The following CEP250 variants were observed in gnomAD, a reference collection of about 807,000 sequenced individuals.
The protein encoded by CEP250 is centrosome-associated protein CEP250.
CEP250 carries 242 observed loss-of-function variants against 315.7 expected under a neutral mutation model. The observed-to-expected ratio is 0.77, with a 90% CI of 0.69 to 0.85. The LOEUF (loss-of-function observed/expected upper bound fraction) is 0.85, where lower values mean the gene tolerates loss of function less well. Among genes scored for constraint, CEP250 ranks in the 40% least tolerant of loss-of-function variants. The pLI is 0.00. For synonymous variants in CEP250, 1,088 were observed against 1,175.0 expected, an observed-to-expected ratio of 0.93 and a Z score of 1.51; for missense variants, 2,515 against 2,886.4, an observed-to-expected ratio of 0.87 and a Z score of 2.95.
At chr20:35,462,774 A>G (rs1045394092) in intron 4 of CEP250, among the ~76,000 whole-genome samples, 2 of 152,010 alleles carry the variant, frequency 1.3e-5, no homozygotes, top group African/African-American at 4.8e-5. Context: ...ATTTAATTTT[A>G]TTTTTGAGAT....
At chr20:35,471,471 A>G (rs879863557) in intron 10 of CEP250, among the ~76,000 whole-genome samples, 9 of 152,228 alleles carry the variant, frequency 5.9e-5, no homozygotes, top group Non-Finnish European at 1.3e-4. Context: ...CAAATTTTGT[A>G]TAAGCCAAAT....
At chr20:35,486,160 G>T (rs192770714) in intron 20 of CEP250, among the ~76,000 whole-genome samples, 1 of 151,164 alleles carries the variant, frequency 6.6e-6, no homozygotes. Context: ...GATTACAGGC[G>T]CATGCTACCA....
In CEP250 at chr20:35,491,277, G is replaced by A. The variant is rs2063683459; in HGVS notation, c.2820G>A (p.Glu940=). The A allele has an allele frequency of 6.2e-7, 1 of 1,606,748 alleles. No individual in the cohort carries two copies. The highest frequency in any genetic ancestry group is 1.7e-5 in the Admixed American group (1 of 59,058). The part of the protein sequence containing the change: ...LLETLLQTQK[E]LADASQQLER... Reference sequence around the variant, plus strand: ...AGACACTGCTGCAGACGCAGAAGGAGCTAGCAGATGCCAGCCAACAACTGG... The same window carrying A: ...AGACACTGCTGCAGACGCAGAAGGAACTAGCAGATGCCAGCCAACAACTGG... Residue 940 remains glutamate, a synonymous_variant, in exon 22 of 35, where the codon GAG becomes GAA. Coordinates refer to ENST00000397527, the MANE Select transcript of CEP250 (RefSeq NM_007186.6).
rs1320572231 is a variant in CEP250, at chr20:35,507,773, G to A, written c.6672G>A (p.Lys2224=). The A allele has an allele frequency of 6.4e-7, 1 of 1,559,620 alleles. No homozygotes were observed. Among genetic ancestry groups the A allele is most frequent in the South Asian group, 1.2e-5 (1 of 85,304 alleles). ...ELELTRRALE[K]ERLHSPGATS... is the part of the protein sequence containing the mutation. The stretch of plus-strand genomic sequence containing the variant: ...AGCTCACCAGACGGGCTCTGGAGAA[G>A]GAGCGGCTACACAGCCCAGGTGCAA... The change falls in exon 31 of 35, where the codon AAG becomes AAA. Residue 2224 remains lysine, a synonymous_variant. Coordinates refer to ENST00000397527, the MANE Select transcript of CEP250 (RefSeq NM_007186.6).
At chr20:35,480,389 GT>G (rs2146893582) in intron 20 of CEP250, among the ~76,000 whole-genome samples, 1 of 152,230 alleles carries the variant, frequency 6.6e-6, no homozygotes, top group East Asian at 1.9e-4. Context: ...AGAATTGAGA[GT>G]GGACCCTGGG....
chr20:35,493,312 G>A (rs1253488402), intron 22 of CEP250, 117 bp from the exon 23 acceptor site: 8 of 940,048 alleles, frequency 8.5e-6, no homozygotes, highest in Non-Finnish European at 1.2e-5. Flanking sequence ...GTGAGAAGGT[G>A]AGGTGGAAAC....
chr20:35,508,850 C>G, intron 32 of CEP250, 93 bp from the exon 33 acceptor site: 1 of 991,538 alleles, frequency 1.0e-6, no homozygotes, highest in South Asian at 1.5e-5. Context: ...CCCTCATATA[C>G]CTGCACAGGC....
In CEP250 at chr20:35,518,131, G is replaced by GTTTT. The variant is rs1437272904; in HGVS notation, c.*6506_*6509dup. On this transcript the variant is annotated 3_prime_UTR_variant, in exon 35 of 35. Transcript: ENST00000397527. ...TCAAACTCCTCTTCAGAGGCAGCGG[G>GTTTT]TTTTGTTTTTTTTTTAACTATGTTT... The GTTTT allele has an allele frequency of 7.1e-4, 59 of 83,580 alleles. No homozygotes were observed. The highest frequency in any genetic ancestry group is 1.8e-3 in the African/African-American group (57 of 32,200). The allele number at this position is 83,580 out of a possible 1,614,324, so 5.2% of individuals were successfully genotyped here.
chr20:35,479,744 C>CT lies in CEP250; in HGVS notation c.2388dup (p.Val797CysfsTer22), dbSNP rs1398367764. The CT allele has an allele frequency of 1.2e-6, 2 of 1,614,204 alleles. No homozygotes were observed. Among genetic ancestry groups the CT allele is most frequent in the Admixed American group, 3.3e-5 (2 of 60,020 alleles). ...GGGCAGCTGGAGGTCCAGATTCAAA[C>CT]TGTCACTCAAGCCAAGGAAGTAATC... On this transcript the variant is annotated frameshift_variant, in exon 19 of 35. Coordinates refer to ENST00000397527, the MANE Select transcript of CEP250 (RefSeq NM_007186.6). LOFTEE classifies it high-confidence loss of function.
chr20:35,482,280 G>A (rs2063370744), intron 20 of CEP250, among the ~76,000 whole-genome samples: 1 of 152,012 alleles, frequency 6.6e-6, no homozygotes, highest in African/African-American at 2.4e-5. Flanking sequence ...TGCCCAGGCT[G>A]GAGTGCAGTG....
rs2062864788 is a variant in CEP250, at chr20:35,465,819, A to G, written c.320A>G (p.Gln107Arg). 6.2e-7 allele frequency: 1 copy of G among 1,606,846 alleles called. No individual in the cohort carries two copies. Among genetic ancestry groups the G allele is most frequent in the African/African-American group, 1.3e-5 (1 of 74,914 alleles). ...DELLVRLEEE[Q>R]QRCESLAEVN... Reference sequence around the variant, plus strand: ...CTGCTGGTCCGATTGGAGGAGGAGCAACAGAGGTGATGGACCCCAAACTTT... The same window carrying G: ...CTGCTGGTCCGATTGGAGGAGGAGCGACAGAGGTGATGGACCCCAAACTTT... Residue 107 changes from glutamine to arginine, a missense_variant, in exon 6 of 35, where the codon CAA becomes CGA. Gln to Arg is a conservative substitution (Grantham distance 43, BLOSUM62 1). Coordinates refer to ENST00000397527, the MANE Select transcript of CEP250 (RefSeq NM_007186.6).
At chr20:35,496,018 C>T (rs1326989531) in intron 24 of CEP250, among the ~76,000 whole-genome samples, 3 of 151,936 alleles carry the variant, frequency 2.0e-5, no homozygotes, top group East Asian at 1.9e-4. Context: ...CAAGGTTCTA[C>T]GTTAGGACAC....
intron 30 of CEP250, 66 bp downstream of exon 30, chr20:35,505,071 C>A: frequency 7.2e-7 from 1 of 1,388,274 alleles, no homozygotes; most frequent in Non-Finnish European, 9.7e-7. Flanking sequence ...TCAGGGACTG[C>A]CCACCACCCT....
intron 1 of CEP250, among the ~76,000 whole-genome samples, chr20:35,457,129 A>G (rs919410078): frequency 2.6e-5 from 4 of 152,130 alleles, no homozygotes; most frequent in Non-Finnish European, 5.9e-5. Context: ...GCATTTTGCA[A>G]GACCATTGGT....
intron 32 of CEP250, 81 bp downstream of exon 32, chr20:35,508,271 C>T: frequency 6.9e-7 from 1 of 1,454,848 alleles, no homozygotes; most frequent in East Asian, 2.3e-5. Flanking sequence ...AAATTACAGC[C>T]TGTGGGCCAA....
chr20:35,499,920 C>G (rs146129082), intron 27 of CEP250, 129 bp from the exon 28 acceptor site: 119 of 1,155,308 alleles, frequency 1.0e-4, no homozygotes, highest in Non-Finnish European at 1.4e-4. Context: ...AGGAAGTAAC[C>G]CGGCAATCTG....
chr20:35,515,303 C>G lies in CEP250; in HGVS notation c.*3677C>G, dbSNP rs188886835. The G allele has an allele frequency of 1.3e-5, 2 of 152,336 alleles. No homozygotes were observed. Among genetic ancestry groups the G allele is most frequent in the Non-Finnish European group, 2.9e-5 (2 of 68,178 alleles). The allele number at this position is 152,336 out of a possible 1,614,324, so 9.4% of individuals were successfully genotyped here. A position where few individuals can be genotyped will look rare whatever the true frequency, so the allele number is the denominator to read the frequency against. ...GAAGGGATCAAGAAGAGGATGCAGC[C>G]CAGAGCCCAGGACCGAGCATCCACC... On this transcript the variant is annotated 3_prime_UTR_variant, in exon 35 of 35. Coordinates refer to ENST00000397527, the MANE Select transcript of CEP250 (RefSeq NM_007186.6).
At chr20:35,460,718 G>A (rs1357335964) in intron 3 of CEP250, among the ~76,000 whole-genome samples, 1 of 152,208 alleles carries the variant, frequency 6.6e-6, no homozygotes, top group Non-Finnish European at 1.5e-5. Flanking sequence ...ATAAATGTTG[G>A]CACCTAATTT....
chr20:35,459,096 G>T (rs2062698762), intron 2 of CEP250, among the ~76,000 whole-genome samples: 1 of 147,040 alleles, frequency 6.8e-6, no homozygotes, highest in Admixed American at 7.0e-5. Flanking sequence ...CTCCCAAAGT[G>T]CTGGGATTAC....
Sources: gnomAD v4.1 joint callset for allele counts (sites outside exome capture counted in the v4.1 genomes callset) on GRCh38, gnomAD v4.1.1 for gene constraint, MANE v1.5 for transcripts, NCBI Gene and HGNC (gene_info 2026-07-23, HGNC 2026-07-21) for gene names.